SH3GL3: variants seen among roughly 807,000 people sequenced by gnomAD.
SH3GL3 encodes endophilin-A3.
Under a neutral mutation model 47.7 loss-of-function variants are expected in SH3GL3, and 33 were observed. That is an observed-to-expected ratio of 0.69 (90% CI 0.52 to 0.92). The LOEUF is 0.92. SH3GL3 is among the 40% of genes least tolerant of loss of function. SH3GL3 has a pLI of 0.00. For missense variants in SH3GL3, 363 were observed against 417.8 expected (o/e 0.87, Z 1.14); for synonymous variants, 155 against 148.8 (o/e 1.04, Z -0.30).
chr15:83,602,525 A>T (rs1332133608), intron 8 of SH3GL3, among the ~76,000 whole-genome samples: 3 of 152,138 alleles, frequency 2.0e-5, no homozygotes, highest in Non-Finnish European at 1.5e-5. Context: ...AATCCTACTC[A>T]TGACCTAATT....
intron 1 of SH3GL3, among the ~76,000 whole-genome samples, chr15:83,463,767 C>CTTTCTTTTT (rs1275377851): frequency 3.3e-5 from 4 of 122,910 alleles, no homozygotes; most frequent in Admixed American, 2.8e-4. Flanking sequence ...TTCTTTCTTT[C>CTTTCTTTTT]TTTTTTTTTT....
rs373816324 is a variant in SH3GL3 at position 83,616,437 on chromosome 15, G to A, written c.839-1645G>A. On this transcript the variant is annotated intron_variant, in intron 8 of 8. Coordinates refer to ENST00000427482, the MANE Select transcript of SH3GL3 (RefSeq NM_003027.5). ...CCCGGCTAATTTTTTTGTATTTTTA[G>A]TAGAGACAGGGTTTCACTGTGTTCT... Among the ~76,000 whole-genome samples, 1,258 of 151,912 alleles carry A rather than the reference G, an allele frequency of 8.3e-3. 9 individuals are homozygous for A. Among genetic ancestry groups the A allele is most frequent in the South Asian group, 0.019 (89 of 4,800 alleles).
chr15:83,536,794 G>A (rs2043931241), intron 1 of SH3GL3, among the ~76,000 whole-genome samples: 1 of 152,022 alleles, frequency 6.6e-6, no homozygotes, highest in Admixed American at 6.6e-5. Flanking sequence ...GCCTTTTCTT[G>A]TTTTGTGCAT....
intron 8 of SH3GL3, among the ~76,000 whole-genome samples, chr15:83,597,022 C>T (rs950165516): frequency 4.6e-5 from 7 of 152,104 alleles, no homozygotes; most frequent in African/African-American, 1.7e-4. Flanking sequence ...TGTATTAGTT[C>T]TCTATTGATG....
intron 1 of SH3GL3, among the ~76,000 whole-genome samples, chr15:83,456,096 G>A (rs1596001918): frequency 1.1e-5 from 1 of 91,668 alleles, no homozygotes; most frequent in African/African-American, 3.7e-5. Flanking sequence ...CCCCTGATGG[G>A]GGGTGCCTCC....
At chr15:83,519,978 G>A (rs577158899) in intron 1 of SH3GL3, among the ~76,000 whole-genome samples, 1 of 152,138 alleles carries the variant, frequency 6.6e-6, no homozygotes, top group Non-Finnish European at 1.5e-5. Flanking sequence ...TTAGTGTCAC[G>A]AATGTTGCCA....
intron 1 of SH3GL3, among the ~76,000 whole-genome samples, chr15:83,476,857 T>C (rs567578270): frequency 6.6e-6 from 1 of 152,338 alleles, no homozygotes; most frequent in African/African-American, 2.4e-5. Flanking sequence ...AATTGAAGTA[T>C]GGCGGTATGC....
At chr15:83,537,128 G>C (rs2043948183) in intron 1 of SH3GL3, among the ~76,000 whole-genome samples, 1 of 152,142 alleles carries the variant, frequency 6.6e-6, no homozygotes, top group Non-Finnish European at 1.5e-5. Context: ...GGGGGACTCA[G>C]GGAGGCTGGA....
At chr15:83,462,680 G>A (rs2040361077) in intron 1 of SH3GL3, among the ~76,000 whole-genome samples, 1 of 152,186 alleles carries the variant, frequency 6.6e-6, no homozygotes, top group Non-Finnish European at 1.5e-5. Context: ...TGTACCTGAT[G>A]TCTGTCAAAT....
chr15:83,579,482 C>T (rs8042155), intron 6 of SH3GL3, among the ~76,000 whole-genome samples: 7,409 of 152,236 alleles, frequency 0.049, 576 homozygotes, highest in African/African-American at 0.16. Context: ...CCAGGCTGCC[C>T]GGGAACTAGG....
At chr15:83,577,553 C>A (rs1465090701) in intron 6 of SH3GL3, among the ~76,000 whole-genome samples, 1 of 152,078 alleles carries the variant, frequency 6.6e-6, no homozygotes, top group East Asian at 1.9e-4. Flanking sequence ...GGCATGCCAC[C>A]AAACCCTGAT....
chr15:83,479,406 G>C (rs2041242460), intron 1 of SH3GL3, among the ~76,000 whole-genome samples: 1 of 152,114 alleles, frequency 6.6e-6, no homozygotes, highest in African/African-American at 2.4e-5. Context: ...GGTGAGTAGG[G>C]AGAGTGACGG....
At chr15:83,512,035 C>T (rs949228621) in intron 1 of SH3GL3, among the ~76,000 whole-genome samples, 2 of 152,002 alleles carry the variant, frequency 1.3e-5, no homozygotes, top group African/African-American at 2.4e-5. Flanking sequence ...GTGGGAGTTT[C>T]GCATTGACAA....
At chr15:83,568,495 A>C (rs756949201) in intron 3 of SH3GL3, 34 bp from the exon 4 acceptor site, 20 of 1,589,852 alleles carry the variant, frequency 1.3e-5, no homozygotes, top group Non-Finnish European at 1.7e-5. Context: ...CCACCTTGTA[A>C]CTTTAAAGAA....
rs752952889 is a variant in SH3GL3 at position 83,587,023 on chromosome 15, C to A, written c.665C>A (p.Ala222Glu). Residue 222 changes from alanine (A) to glutamate (E), a missense_variant, in exon 7 of 9, where the codon GCA (alanine) becomes GAA (glutamate). Physicochemically the swap from Ala to Glu is moderately radical, Grantham distance 107. Coordinates refer to ENST00000427482, the MANE Select transcript of SH3GL3 (RefSeq NM_003027.5). ...CAGTTGGCTGTGTTCATAGAGGCAGCATTAGACTATCACAGACAGTCCACA... is the reference window on the plus strand; with the variant it reads ...CAGTTGGCTGTGTTCATAGAGGCAGAATTAGACTATCACAGACAGTCCACA... ...VSQLAVFIEAALDYHRQSTEI... is the reference protein window; with the variant it reads ...VSQLAVFIEAELDYHRQSTEI... 5 of 1,610,998 alleles carry A rather than the reference C, an allele frequency of 3.1e-6. No individual in the cohort carries two copies. The highest frequency in any genetic ancestry group is 4.2e-6 in the Non-Finnish European group (5 of 1,178,692).
At chr15:83,456,973 G>A (rs1009873010) in intron 1 of SH3GL3, among the ~76,000 whole-genome samples, 47 of 152,236 alleles carry the variant, frequency 3.1e-4, no homozygotes, top group Non-Finnish European at 6.3e-4. Context: ...ATATGGCATT[G>A]TGGTTTCTTG....
intron 8 of SH3GL3, among the ~76,000 whole-genome samples, chr15:83,616,298 G>A (rs2060813124): frequency 7.2e-6 from 1 of 139,852 alleles, no homozygotes; most frequent in African/African-American, 2.9e-5. Context: ...TGTCCCCCAG[G>A]CTGGAGTGCG....
At chr15:83,464,392 G>A (rs1369219961) in intron 1 of SH3GL3, among the ~76,000 whole-genome samples, 1 of 152,086 alleles carries the variant, frequency 6.6e-6, no homozygotes, top group Non-Finnish European at 1.5e-5. Flanking sequence ...TGCTCCCAAG[G>A]TAGCTTCCTC....
In SH3GL3 at chr15:83,481,360, A is replaced by G. The variant is rs575904065; in HGVS notation, c.45+33782A>G. 2.6e-5 allele frequency among the ~76,000 whole-genome samples: 4 copies of G among 152,246 alleles called. No homozygotes were observed. The Middle Eastern group carries it at 0.014, about 525-fold the overall frequency. Reference sequence around the variant, plus strand: ...AATTATTTGCTGAAATTGTTTTCCAACAGATGGCTTTAGGAATCAGGAGAT... The same window carrying G: ...AATTATTTGCTGAAATTGTTTTCCAGCAGATGGCTTTAGGAATCAGGAGAT... On this transcript the variant is annotated intron_variant, in intron 1 of 8. Coordinates refer to ENST00000427482, the MANE Select transcript of SH3GL3 (RefSeq NM_003027.5).
Sources: allele counts gnomAD v4.1 joint callset (sites outside exome capture counted in the v4.1 genomes callset), GRCh38; gene constraint gnomAD v4.1.1; transcripts MANE v1.5; gene names NCBI Gene and HGNC (gene_info 2026-07-23, HGNC 2026-07-21).